Variants in SPINT3 observed in about 807,000 individuals in gnomAD.
SPINT3 encodes serine peptidase inhibitor, Kunitz type 3, also known as kunitz-type protease inhibitor 3.
SPINT3 carries 4 observed loss-of-function variants against 3.3 expected under a neutral mutation model. That is an observed-to-expected ratio of 1.22 (90% confidence interval 0.60 to 2.79). SPINT3 has a LOEUF of 2.79. SPINT3 is among the 30% of genes most tolerant of loss of function. The pLI, the probability that SPINT3 is intolerant of heterozygous loss-of-function variation, is 0.01. For missense variants in SPINT3, 97 were observed against 104.3 expected (o/e 0.93, Z 0.31); for synonymous variants, 30 against 38.6 (o/e 0.78, Z 0.83).
intron 1 of SPINT3, among the ~76,000 whole-genome samples, chr20:45,513,512 TA>T (rs1300788610): frequency 3.9e-5 from 6 of 152,222 alleles, no homozygotes; most frequent in African/African-American, 1.4e-4. Flanking sequence ...AATAAATCAA[TA>T]AATAGTAGCT....
intron 1 of SPINT3, 53 bp downstream of exon 1, chr20:45,515,480 C>A (rs750204134): frequency 3.5e-6 from 5 of 1,437,270 alleles, no homozygotes; most frequent in South Asian, 1.2e-5. Flanking sequence ...CACCACCCCG[C>A]CCCCCAGCCT....
chr20:45,512,529 T>C lies in SPINT3; in HGVS notation c.*122A>G. The C allele has an allele frequency of 1.1e-6, 1 of 936,542 alleles. No homozygotes were observed. Among genetic ancestry groups the C allele is most frequent in the Non-Finnish European group, 1.6e-6 (1 of 635,082 alleles). The allele number at this position is 936,542 out of a possible 1,614,324, so 58.0% of individuals were successfully genotyped here. The stretch of plus-strand genomic sequence containing the variant: ...ACTTGTAGGAGCACATCAGGGAGAA[T>C]AAATGTGGGGGTAGAGGAATGAACC... On this transcript the variant is annotated 3_prime_UTR_variant, in exon 2 of 2. Transcript: ENST00000217428.
chr20:45,513,755 A>G (rs6130852), intron 1 of SPINT3, among the ~76,000 whole-genome samples: 107,651 of 151,822 alleles, frequency 0.71, 38,308 homozygotes, highest in African/African-American at 0.76. Flanking sequence ...TTTACTCTTC[A>G]TGGTAGCTAG....
In SPINT3 at chr20:45,512,711, T is replaced by C. The variant is rs1291990112; in HGVS notation, c.210A>G (p.Gly70=). 6.4e-6 allele frequency: 10 copies of C among 1,551,626 alleles called. No homozygotes were observed. Among genetic ancestry groups the C allele is most frequent in the Non-Finnish European group, 8.7e-6 (10 of 1,146,908 alleles). ...TCCTCAAAAAGTTGTTGCTGTTGCC[T>C]CCGCAGCCTCCGTAAGCAAATAACT... ...ECELFAYGGC[G]GNSNNFLRKE... is the part of the protein sequence containing the mutation. Residue 70 remains glycine (G), a synonymous_variant, in exon 2 of 2, where the codon GGA becomes GGG. Transcript: ENST00000217428.
intron 1 of SPINT3, among the ~76,000 whole-genome samples, chr20:45,514,282 G>C (rs1192356485): frequency 6.6e-6 from 1 of 152,150 alleles, no homozygotes; most frequent in Non-Finnish European, 1.5e-5. Context: ...ATGACACCCT[G>C]TGTGTGTGTT....
chr20:45,513,939 A>G (rs577041750), intron 1 of SPINT3, among the ~76,000 whole-genome samples: 3 of 152,364 alleles, frequency 2.0e-5, no homozygotes, highest in African/African-American at 7.2e-5. Flanking sequence ...GCACAGATGA[A>G]TGATCACACC....
chr20:45,515,541 A>C lies in SPINT3; in HGVS notation c.68T>G (p.Leu23Arg), dbSNP rs1241709469. The C allele has an allele frequency of 1.9e-6, 3 of 1,549,796 alleles. No individual in the cohort carries two copies. Among genetic ancestry groups the C allele is most frequent in the Non-Finnish European group, 2.6e-6 (3 of 1,146,760 alleles). The change falls in exon 1 of 2, where the codon CTA becomes CGA. Residue 23 changes from leucine (L) to arginine (R), a missense_variant. Transcript: ENST00000217428. ...LTLCLELRSE[L>R]ARDTIKDLLP... ...CCACATTTCATACCAACCTCGTGCT[A>C]GTTCTGATCGAAGCTCTAGGCAGAG...
In SPINT3 at chr20:45,512,534, G is replaced by A. The variant is rs1363291234; in HGVS notation, c.*117C>T. The stretch of plus-strand genomic sequence containing the variant: ...TAGGAGCACATCAGGGAGAATAAAT[G>A]TGGGGGTAGAGGAATGAACCTCTTG... On this transcript the variant is annotated 3_prime_UTR_variant, in exon 2 of 2. Transcript: ENST00000217428. 6 of 962,824 alleles carry A rather than the reference G, an allele frequency of 6.2e-6. No homozygotes were observed. Among genetic ancestry groups the A allele is most frequent in the Admixed American group, 2.7e-5 (1 of 36,612 alleles). 59.6% of individuals were successfully genotyped at this position (962,824 alleles called of 1,614,324 possible).
chr20:45,512,653 A>T lies in SPINT3; in HGVS notation c.268T>A (p.Ter90ArgextTer30). The change falls in exon 2 of 2, where the codon TGA becomes AGA. Residue 90 changes from the stop codon to arginine (R), a stop_lost. Transcript: ENST00000217428. ...AGGGCTGTGTTCTTGTTAGAAAATCAGGTGAACTTGCAGAATTTCTCACAT... is the reference window on the plus strand; with the variant it reads ...AGGGCTGTGTTCTTGTTAGAAAATCTGGTGAACTTGCAGAATTTCTCACAT... ...EKCEKFCKFT[*>R] 1 of 1,551,488 alleles carries T rather than the reference A, an allele frequency of 6.4e-7. No homozygotes were observed. The highest frequency in any genetic ancestry group is 2.4e-5 in the East Asian group (1 of 40,918).
At chr20:45,515,102 G>A (rs941427063) in intron 1 of SPINT3, among the ~76,000 whole-genome samples, 1 of 152,064 alleles carries the variant, frequency 6.6e-6, no homozygotes, top group Non-Finnish European at 1.5e-5. Context: ...TTTCTGACAA[G>A]TGCATCTAAC....
At chr20:45,514,872 G>A (rs1978829515) in intron 1 of SPINT3, among the ~76,000 whole-genome samples, 2 of 152,112 alleles carry the variant, frequency 1.3e-5, no homozygotes, top group South Asian at 2.1e-4. Flanking sequence ...ATCTCCAGAG[G>A]GTAAGATTTT....
Position 45,515,547 on chromosome 20 carries a change from G to A in SPINT3, c.62C>T (p.Ser21Leu), listed in dbSNP as rs151265860. Reference sequence around the variant, plus strand: ...TTCATACCAACCTCGTGCTAGTTCTGATCGAAGCTCTAGGCAGAGAGTGAG... The same window carrying A: ...TTCATACCAACCTCGTGCTAGTTCTAATCGAAGCTCTAGGCAGAGAGTGAG... Reference protein sequence around the residue: ...LILTLCLELRSELARDTIKDL... With the variant: ...LILTLCLELRLELARDTIKDL... The change falls in exon 1 of 2, where the codon TCA becomes TTA. Residue 21 changes from serine to leucine, a missense_variant. Physicochemically the swap from Ser to Leu is moderately radical, Grantham distance 145. Coordinates refer to ENST00000217428, the MANE Select transcript of SPINT3 (RefSeq NM_006652.2). 2.2e-5 allele frequency: 34 copies of A among 1,548,790 alleles called. No individual in the cohort carries two copies. The highest frequency in any genetic ancestry group is 2.8e-5 in the Non-Finnish European group (32 of 1,146,560).
At chr20:45,513,883 G>A (rs1383963553) in intron 1 of SPINT3, among the ~76,000 whole-genome samples, 1 of 152,196 alleles carries the variant, frequency 6.6e-6, no homozygotes, top group Non-Finnish European at 1.5e-5. Context: ...GACTGCAAAG[G>A]CTTGCAGGTT....
At chr20:45,514,790 G>C (rs1040080060) in intron 1 of SPINT3, among the ~76,000 whole-genome samples, 8 of 152,172 alleles carry the variant, frequency 5.3e-5, no homozygotes, top group Admixed American at 2.0e-4. Flanking sequence ...ATCATTAATA[G>C]CTCCATGTAC....
chr20:45,515,049 A>C (rs1447032229), intron 1 of SPINT3, among the ~76,000 whole-genome samples: 6 of 152,094 alleles, frequency 3.9e-5, no homozygotes, highest in African/African-American at 1.4e-4. Context: ...TTCCATTTGC[A>C]GATTCCAAGC....
At position 45,512,633 on chromosome 20, in the gene SPINT3, T is replaced by C. The variant is rs1239562530; in HGVS notation, c.*18A>G. 1 of 1,550,602 alleles carries C rather than the reference T, an allele frequency of 6.4e-7. No individual in the cohort carries two copies. The highest frequency in any genetic ancestry group is 8.7e-7 in the Non-Finnish European group (1 of 1,146,456). ...GAGCAATCCCGAATCCATGGAGGGCTGTGTTCTTGTTAGAAAATCAGGTGA... is the reference window on the plus strand; with the variant it reads ...GAGCAATCCCGAATCCATGGAGGGCCGTGTTCTTGTTAGAAAATCAGGTGA... On this transcript the variant is annotated 3_prime_UTR_variant, in exon 2 of 2. Transcript: ENST00000217428.
intron 1 of SPINT3, among the ~76,000 whole-genome samples, chr20:45,514,753 T>C (rs1426659658): frequency 6.6e-6 from 1 of 152,204 alleles, no homozygotes; most frequent in African/African-American, 2.4e-5. Flanking sequence ...TTGGGAGGTT[T>C]AGAGTTCCAT....
intron 1 of SPINT3, among the ~76,000 whole-genome samples, chr20:45,513,270 T>G (rs577137092): frequency 2.0e-5 from 3 of 152,326 alleles, no homozygotes; most frequent in Non-Finnish European, 4.4e-5. Flanking sequence ...CATAATCAAT[T>G]CTAGAATCAA....
In SPINT3 at chr20:45,512,834, C is replaced by G. The variant is rs1978773910; in HGVS notation, c.87G>C (p.Lys29Asn). ...AAGCGCATACATTTGGGAGGAGATC[C>G]TTGATAGTGTCTGAAGAGAGAAAGT... Reference protein sequence around the residue: ...LRSELARDTIKDLLPNVCAFP... With the variant: ...LRSELARDTINDLLPNVCAFP... The change falls in exon 2 of 2, where the codon AAG becomes AAC. Residue 29 changes from lysine (K) to asparagine (N), a missense_variant. Lys to Asn is a moderately conservative substitution (Grantham distance 94). Coordinates refer to ENST00000217428, the MANE Select transcript of SPINT3 (RefSeq NM_006652.2). 1.3e-6 allele frequency: 2 copies of G among 1,551,346 alleles called. No homozygotes were observed. The highest frequency in any genetic ancestry group is 1.7e-6 in the Non-Finnish European group (2 of 1,146,828).
Sources: allele counts gnomAD v4.1 joint callset (sites outside exome capture counted in the v4.1 genomes callset), GRCh38; gene constraint gnomAD v4.1.1; transcripts MANE v1.5; gene names NCBI Gene and HGNC (gene_info 2026-07-23, HGNC 2026-07-21).